Variants in PHF21A observed in about 807,000 individuals in gnomAD.
The protein encoded by PHF21A is BHC80a.
Under a neutral mutation model 82.5 loss-of-function variants are expected in PHF21A, and 11 were observed. The ratio of observed to expected loss-of-function variants is 0.13; its 90% CI spans 0.08 to 0.22. The LOEUF (loss-of-function observed/expected upper bound fraction) is 0.22, where lower values mean the gene tolerates loss of function less well. PHF21A is among the 10% of genes least tolerant of loss of function. The pLI is 1.00. For missense variants in PHF21A, 579 were observed against 837.8 expected (o/e 0.69, Z 3.81); for synonymous variants, 297 against 302.8 (o/e 0.98, Z 0.20).
chr11:45,951,955 C>T (rs1176691019), intron 11 of PHF21A, among the ~76,000 whole-genome samples: 23 of 151,908 alleles, frequency 1.5e-4, no homozygotes, highest in Admixed American at 1.4e-3. Context: ...TATAGGCACG[C>T]GCCACTGCAT....
chr11:45,975,549 T>G (rs1445244139), intron 7 of PHF21A, among the ~76,000 whole-genome samples: 1 of 152,174 alleles, frequency 6.6e-6, no homozygotes, highest in Non-Finnish European at 1.5e-5. Flanking sequence ...ACTTTTCCCT[T>G]TTTTGTCTCC....
intron 8 of PHF21A, 58 bp downstream of exon 8, chr11:45,971,058 C>A (rs2093711506): frequency 1.3e-6 from 2 of 1,583,826 alleles, no homozygotes; most frequent in Admixed American, 1.7e-5. Flanking sequence ...ATATACTATA[C>A]AAATGCGTAT....
intron 10 of PHF21A, among the ~76,000 whole-genome samples, chr11:45,964,616 C>T (rs1490295345): frequency 6.6e-6 from 1 of 152,194 alleles, no homozygotes; most frequent in African/African-American, 2.4e-5. Context: ...TCTTCTTTCT[C>T]ATCACTAGTC....
chr11:46,043,644 C>A (rs75294714), intron 6 of PHF21A, among the ~76,000 whole-genome samples: 1 of 150,486 alleles, frequency 6.6e-6, no homozygotes, highest in South Asian at 2.1e-4. Flanking sequence ...AAAAAAAAAA[C>A]TGACCCACTT....
chr11:46,119,379 A>C (rs1593509675), intron 1 of PHF21A, among the ~76,000 whole-genome samples: 1 of 152,314 alleles, frequency 6.6e-6, no homozygotes. Context: ...AATTCTAGAA[A>C]TCCAGACTCC....
At chr11:46,032,455 A>G (rs1380857023) in intron 6 of PHF21A, among the ~76,000 whole-genome samples, 1 of 150,500 alleles carries the variant, frequency 6.6e-6, no homozygotes, top group African/African-American at 2.5e-5. Context: ...TTTCTTAACA[A>G]GTGCACTCAC....
chr11:45,967,539 G>A (rs1330830981), intron 9 of PHF21A, among the ~76,000 whole-genome samples: 1 of 152,152 alleles, frequency 6.6e-6, no homozygotes, highest in African/African-American at 2.4e-5. Flanking sequence ...GCTCCTGTGG[G>A]CATAAGGCTT....
chr11:46,072,565 C>T (rs2096667867), intron 6 of PHF21A, among the ~76,000 whole-genome samples: 1 of 152,184 alleles, frequency 6.6e-6, no homozygotes, highest in African/African-American at 2.4e-5. Flanking sequence ...TTAAGTTTTC[C>T]CTGTTTACAT....
chr11:46,023,735 C>T (rs1489817878), intron 6 of PHF21A, among the ~76,000 whole-genome samples: 1 of 152,150 alleles, frequency 6.6e-6, no homozygotes, highest in Non-Finnish European at 1.5e-5. Context: ...GTGGGCGGAT[C>T]GCCTGAGGTC....
chr11:45,936,762 C>T (rs573349423), intron 16 of PHF21A, 193 bp from the exon 17 acceptor site: 40 of 554,822 alleles, frequency 7.2e-5, no homozygotes, highest in African/African-American at 6.4e-4. Flanking sequence ...GAATCAAGTT[C>T]AAGGCAGGAA....
At chr11:46,107,729 G>A (rs546359136) in intron 1 of PHF21A, among the ~76,000 whole-genome samples, 2 of 152,150 alleles carry the variant, frequency 1.3e-5, no homozygotes, top group South Asian at 4.1e-4. Context: ...AATAATCTCA[G>A]CAACAAGTTA....
rs1421477534 is a variant in PHF21A at position 46,084,318 on chromosome 11, A to G, written c.-83-16T>C. The G allele has an allele frequency of 1.3e-6, 1 of 794,598 alleles. No individual in the cohort carries two copies. Among genetic ancestry groups the G allele is most frequent in the Admixed American group, 3.0e-5 (1 of 33,396 alleles). The allele number at this position is 794,598 out of a possible 1,614,324, so 49.2% of individuals were successfully genotyped here. On this transcript the variant is annotated splice_polypyrimidine_tract_variant and intron_variant, in intron 3 of 18. Transcript: ENST00000676320. ...CTCACTGCAGCTGTAAAGATCATAAAATGTTTTGGATCATTACATTTGGAA... is the reference window on the plus strand; with the variant it reads ...CTCACTGCAGCTGTAAAGATCATAAGATGTTTTGGATCATTACATTTGGAA...
intron 6 of PHF21A, among the ~76,000 whole-genome samples, chr11:46,031,024 C>T (rs16938437): frequency 0.13 from 19,369 of 152,166 alleles, 1,562 homozygotes; most frequent in African/African-American, 0.24. Context: ...CTAGAGCCTA[C>T]ACCAGTGAGT....
intron 1 of PHF21A, among the ~76,000 whole-genome samples, chr11:46,097,152 C>G (rs546772207): frequency 2.0e-5 from 3 of 152,284 alleles, no homozygotes; most frequent in Admixed American, 2.0e-4. Context: ...CCTAACTGGC[C>G]TCCCCAATTC....
At chr11:46,020,360 G>A (rs891069139) in intron 6 of PHF21A, among the ~76,000 whole-genome samples, 59 of 152,274 alleles carry the variant, frequency 3.9e-4, no homozygotes, top group African/African-American at 1.3e-3. Context: ...TTTTTCATCA[G>A]AACTGCCACC....
chr11:45,958,356 G>T (rs1371886629), intron 10 of PHF21A, among the ~76,000 whole-genome samples: 1 of 124,892 alleles, frequency 8.0e-6, no homozygotes, highest in Non-Finnish European at 1.6e-5. Context: ...TGAGCTCAGG[G>T]GTTCAAGACC....
intron 7 of PHF21A, among the ~76,000 whole-genome samples, chr11:45,977,283 T>C (rs2094076946): frequency 6.6e-6 from 1 of 151,944 alleles, no homozygotes; most frequent in African/African-American, 2.4e-5. Context: ...ATTACAGGTA[T>C]ATGTTACCAC....
Position 45,933,009 on chromosome 11 carries a change from CCATT to C in PHF21A, c.*955_*958del, listed in dbSNP as rs1188821057. On this transcript the variant is annotated 3_prime_UTR_variant, in exon 19 of 19. Coordinates refer to ENST00000676320, the MANE Select transcript of PHF21A (RefSeq NM_001352027.3). ...TTAAAGAAAGAGAAAAGAAACGTCT[CCATT>C]CAATTCACACACACCTGGGTCGCGT... 1 of 152,620 alleles carries C rather than the reference CCATT, an allele frequency of 6.6e-6. No individual in the cohort carries two copies. Among genetic ancestry groups the C allele is most frequent in the African/African-American group, 2.4e-5 (1 of 41,456 alleles). 9.5% of individuals were successfully genotyped at this position (152,620 alleles called of 1,614,324 possible).
intron 6 of PHF21A, among the ~76,000 whole-genome samples, chr11:46,063,213 G>A (rs954009242): frequency 1.3e-5 from 2 of 152,088 alleles, no homozygotes; most frequent in African/African-American, 4.8e-5. Context: ...AAGAGAAGGA[G>A]CTCTTACTAT....
Sources: gnomAD v4.1 joint callset for allele counts (sites outside exome capture counted in the v4.1 genomes callset) on GRCh38, gnomAD v4.1.1 for gene constraint, MANE v1.5 for transcripts, NCBI Gene and HGNC (gene_info 2026-07-23, HGNC 2026-07-21) for gene names.